The following UBE4B variants were observed in gnomAD, a reference collection of about 807,000 sequenced individuals.
UBE4B encodes the protein ubiquitination factor E4B.
In UBE4B, 27 loss-of-function variants were observed where a neutral mutation model predicts 148.1. The observed-to-expected ratio is 0.18, with a 90% CI of 0.13 to 0.25. The LOEUF (loss-of-function observed/expected upper bound fraction) is 0.25, where lower values mean the gene tolerates loss of function less well. Among genes scored for constraint, UBE4B ranks in the 10% least tolerant of loss-of-function variants. The probability of loss-of-function intolerance (pLI) is 1.00; values close to 1 mark genes in which losing one functional copy is unlikely to be tolerated. For synonymous variants in UBE4B, 596 were observed against 619.3 expected, an observed-to-expected ratio of 0.96 and a Z score of 0.56; for missense variants, 1,170 against 1,662.4, an observed-to-expected ratio of 0.70 and a Z score of 5.15.
intron 25 of UBE4B, among the ~76,000 whole-genome samples, chr1:10,175,551 T>C (rs1646412246): frequency 6.6e-6 from 1 of 151,998 alleles, no homozygotes; most frequent in East Asian, 1.9e-4. Flanking sequence ...CTCGGGAGGC[T>C]GAGGCAGGAG....
chr1:10,106,557 C>A lies in UBE4B; in HGVS notation c.1170C>A (p.Arg390=). The stretch of plus-strand genomic sequence containing the variant: ...CCTCACCCAGTGCCACGAGCAGACG[C>A]CCCTCCTCCCTGAGGATCTCTCCTA... ...PPASPSATSR[R]PSSLRISPSL... is the part of the protein sequence containing the mutation. The change falls in exon 7 of 28, where the codon CGC becomes CGA. Residue 390 remains arginine (R), a synonymous_variant. Coordinates refer to ENST00000343090, the MANE Select transcript of UBE4B (RefSeq NM_001105562.3). This position sits in a 1 kb window ranked among gnomAD's most constrained non-coding sequence, Gnocchi z 4.2. 6.3e-7 allele frequency: 1 copy of A among 1,582,754 alleles called. No homozygotes were observed. Among genetic ancestry groups the A allele is most frequent in the Non-Finnish European group, 8.5e-7 (1 of 1,169,682 alleles).
intron 1 of UBE4B, among the ~76,000 whole-genome samples, chr1:10,043,648 T>C (rs1643859859): frequency 6.6e-6 from 1 of 151,768 alleles, no homozygotes; most frequent in Admixed American, 6.6e-5. Flanking sequence ...CAGGATGGTC[T>C]CGAGCTCCTG....
chr1:10,130,533 T>C lies in UBE4B; in HGVS notation c.1729T>C (p.Leu577=). Reference sequence around the variant, plus strand: ...TTTGCGGTTGTGGTTGCCGAAATCCTTAAGTCCTGGCTGTGGGCGGGAGCT... The same window carrying C: ...TTTGCGGTTGTGGTTGCCGAAATCCCTAAGTCCTGGCTGTGGGCGGGAGCT... ...ASLRLWLPKS[L]SPGCGRELQR... is the part of the protein sequence containing the mutation. Residue 577 remains leucine, a synonymous_variant, in exon 13 of 28, where the codon TTA becomes CTA. Transcript: ENST00000343090. The C allele has an allele frequency of 6.2e-7, 1 of 1,614,214 alleles. No individual in the cohort carries two copies. The highest frequency in any genetic ancestry group is 2.2e-5 in the East Asian group (1 of 44,884).
At chr1:10,073,721 AAACAAC>A (rs199512231) in intron 2 of UBE4B, among the ~76,000 whole-genome samples, 83 of 151,784 alleles carry the variant, frequency 5.5e-4, no homozygotes, top group African/African-American at 1.8e-3. Context: ...TCTGTCTCAA[AAACAAC>A]AACAACAACA....
At chr1:10,080,780 A>G (rs945368257) in intron 2 of UBE4B, among the ~76,000 whole-genome samples, 2 of 152,250 alleles carry the variant, frequency 1.3e-5, no homozygotes, top group African/African-American at 4.8e-5. Flanking sequence ...AACTTGGAAG[A>G]CACCATGCTA....
chr1:10,139,570 A>T (rs76799377), intron 17 of UBE4B, among the ~76,000 whole-genome samples: 2,624 of 152,264 alleles, frequency 0.017, 34 homozygotes, highest in Non-Finnish European at 0.027. Flanking sequence ...TGGATTTAAG[A>T]CAGTTAATAT....
chr1:10,116,299 C>A (rs1012717932), intron 7 of UBE4B, among the ~76,000 whole-genome samples: 2 of 152,148 alleles, frequency 1.3e-5, no homozygotes, highest in South Asian at 4.1e-4. Flanking sequence ...TGTGCCACCA[C>A]GCCCAACAAA....
chr1:10,043,095 C>T (rs572583238), intron 1 of UBE4B, among the ~76,000 whole-genome samples: 6 of 151,750 alleles, frequency 4.0e-5, no homozygotes, highest in Non-Finnish European at 7.4e-5. Context: ...CTGCAACCTC[C>T]GCCTCGGGGG....
rs1269821860 is a variant in UBE4B at position 10,180,520 on chromosome 1, G to A, written c.*564G>A. On this transcript the variant is annotated 3_prime_UTR_variant, in exon 28 of 28. Transcript: ENST00000343090. ...GCTACCAAGTGTTAATCCTGGGATC[G>A]TATTTTTATATCATATTCACATATT... 3.3e-5 allele frequency: 5 copies of A among 152,312 alleles called. No homozygotes were observed. Among genetic ancestry groups the A allele is most frequent in the African/African-American group, 1.2e-4 (5 of 41,298 alleles). 9.4% of individuals were successfully genotyped at this position (152,312 alleles called of 1,614,324 possible). A position where few individuals can be genotyped will look rare whatever the true frequency, so the allele number is the denominator to read the frequency against.
intron 19 of UBE4B, 132 bp downstream of exon 19, chr1:10,147,222 G>A: frequency 7.1e-7 from 1 of 1,406,582 alleles, no homozygotes; most frequent in Admixed American, 2.0e-5. Flanking sequence ...AAGGCGCAGT[G>A]GTTCACGCCT....
chr1:10,143,393 T>C (rs1418020314), intron 17 of UBE4B, among the ~76,000 whole-genome samples: 1 of 151,480 alleles, frequency 6.6e-6, no homozygotes, highest in Non-Finnish European at 1.5e-5. Flanking sequence ...AGAGTGAGGC[T>C]CAGTCTAAAA....
intron 2 of UBE4B, chr1:10,072,494 AT>A (rs763411198): frequency 2.8e-6 from 2 of 714,172 alleles, no homozygotes; most frequent in Admixed American, 4.1e-5. Flanking sequence ...TTAAGACTGA[AT>A]TTGGTTCTGC....
intron 27 of UBE4B, 98 bp downstream of exon 27, chr1:10,179,660 A>C: frequency 6.4e-7 from 1 of 1,558,872 alleles, no homozygotes. Flanking sequence ...GAAATTTATC[A>C]AATGCAGAAA....
intron 18 of UBE4B, among the ~76,000 whole-genome samples, chr1:10,146,439 A>C (rs1383387000): frequency 6.6e-6 from 1 of 152,154 alleles, no homozygotes; most frequent in Non-Finnish European, 1.5e-5. Context: ...GCAACAGAGC[A>C]AGACTCTGTC....
chr1:10,049,308 C>G (rs940595832), intron 1 of UBE4B, among the ~76,000 whole-genome samples: 12 of 152,092 alleles, frequency 7.9e-5, no homozygotes, highest in African/African-American at 2.9e-4. Context: ...GACACAGGAA[C>G]GCAACCAGCT....
At chr1:10,114,099 C>T (rs1000213185) in intron 7 of UBE4B, among the ~76,000 whole-genome samples, 14 of 148,768 alleles carry the variant, frequency 9.4e-5, no homozygotes, top group African/African-American at 3.2e-4. Flanking sequence ...AAAAAAGATG[C>T]GTTTCTTCCC....
intron 21 of UBE4B, among the ~76,000 whole-genome samples, chr1:10,156,491 G>A (rs973589235): frequency 6.6e-6 from 1 of 151,934 alleles, no homozygotes; most frequent in Admixed American, 6.6e-5. Flanking sequence ...CTGCCCACCC[G>A]GGCCTCCTGA....
At chr1:10,124,431 G>A (rs1303990155) in intron 10 of UBE4B, among the ~76,000 whole-genome samples, 2 of 152,052 alleles carry the variant, frequency 1.3e-5, no homozygotes, top group African/African-American at 2.4e-5. Context: ...CAAGTGGTCC[G>A]CCCACCTCGG....
intron 1 of UBE4B, among the ~76,000 whole-genome samples, chr1:10,050,162 C>G (rs1234455591): frequency 6.6e-6 from 1 of 152,144 alleles, no homozygotes; most frequent in Non-Finnish European, 1.5e-5. Context: ...ACCTCCACTT[C>G]TGGGGTTCAA....
Sources: gnomAD v4.1 joint callset for allele counts (sites outside exome capture counted in the v4.1 genomes callset) on GRCh38, gnomAD v4.1.1 for gene constraint, Gnocchi (gnomAD v3.1) non-coding constraint, MANE v1.5 for transcripts, NCBI Gene and HGNC (gene_info 2026-07-23, HGNC 2026-07-21) for gene names.